ADCK1: variants seen among roughly 807,000 people sequenced by gnomAD.
ADCK1 encodes the protein aarF domain containing kinase 1, also known as aarF domain-containing protein kinase 1.
ADCK1 carries 41 observed loss-of-function variants against 52.3 expected under a neutral mutation model. That is an observed-to-expected ratio of 0.78 (90% CI 0.61 to 1.02). The LOEUF is 1.02. Among genes scored for constraint, ADCK1 ranks in the 50% least tolerant of loss-of-function variants. The pLI, the probability that ADCK1 is intolerant of heterozygous loss-of-function variation, is 0.00. For missense variants in ADCK1, 658 were observed against 679.5 expected, an observed-to-expected ratio of 0.97 and a Z score of 0.35; for synonymous variants, 250 against 274.6, an observed-to-expected ratio of 0.91 and a Z score of 0.89.
At chr14:77,805,161 G>GCAC (rs2081192963) in intron 1 of ADCK1, among the ~76,000 whole-genome samples, 1 of 136,028 alleles carries the variant, frequency 7.4e-6, no homozygotes, top group Non-Finnish European at 1.5e-5. Context: ...AGCCGAGATT[G>GCAC]CACCACTGCA....
intron 4 of ADCK1, among the ~76,000 whole-genome samples, chr14:77,882,345 G>GC (rs2083046566): frequency 6.6e-6 from 1 of 152,234 alleles, no homozygotes. Context: ...TGCCCCAGGT[G>GC]CCCTAAGTGG....
intron 4 of ADCK1, among the ~76,000 whole-genome samples, chr14:77,882,960 C>A (rs1023412848): frequency 1.1e-4 from 14 of 127,346 alleles, no homozygotes; most frequent in Non-Finnish European, 1.6e-4. Context: ...TACACCACCC[C>A]CCCCCCCGTG....
At chr14:77,829,419 T>C (rs1355436964) in intron 3 of ADCK1, among the ~76,000 whole-genome samples, 1 of 150,944 alleles carries the variant, frequency 6.6e-6, no homozygotes, top group African/African-American at 2.4e-5. Context: ...TTTAGCCTCC[T>C]GAGTAGTGGA....
At chr14:77,851,989 T>C (rs2082293255) in intron 3 of ADCK1, among the ~76,000 whole-genome samples, 1 of 151,940 alleles carries the variant, frequency 6.6e-6, no homozygotes, top group Admixed American at 6.6e-5. Context: ...TTATTATTTA[T>C]GTATTTATTT....
At position 77,872,300 on chromosome 14, in the gene ADCK1, C is replaced by A. The variant is rs1031998599; in HGVS notation, c.423+13021C>A. On this transcript the variant is annotated intron_variant, in intron 4 of 10. Coordinates refer to ENST00000238561, the MANE Select transcript of ADCK1 (RefSeq NM_020421.4). ...TGAGCCAGGAACTGAGCTTGAGTGT[C>A]ACCGGACTCCAGAGACACACACTTC... 4.6e-5 allele frequency among the ~76,000 whole-genome samples: 7 copies of A among 152,280 alleles called. No individual in the cohort carries two copies. In the East Asian group the frequency reaches 1.4e-3, roughly 29 times the overall value.
chr14:77,885,402 T>C (rs551934037), intron 4 of ADCK1, among the ~76,000 whole-genome samples: 1 of 152,322 alleles, frequency 6.6e-6, no homozygotes, highest in African/African-American at 2.4e-5. Flanking sequence ...CCCATACCCA[T>C]CTCTCCTGAC....
At chr14:77,866,545 C>G (rs1394235917) in intron 4 of ADCK1, among the ~76,000 whole-genome samples, 1 of 152,122 alleles carries the variant, frequency 6.6e-6, no homozygotes, top group African/African-American at 2.4e-5. Flanking sequence ...CTGCAGTTTC[C>G]CAAGGCCCTT....
Position 77,871,043 on chromosome 14 carries a change from A to G in ADCK1, c.423+11764A>G, listed in dbSNP as rs543069129. Reference sequence around the variant, plus strand: ...AGGAGCCTCAGGCCTGCCCAGATGTACAATGAACATACTGGCCAACATGGC... The same window carrying G: ...AGGAGCCTCAGGCCTGCCCAGATGTGCAATGAACATACTGGCCAACATGGC... On this transcript the variant is annotated intron_variant, in intron 4 of 10. Coordinates refer to ENST00000238561, the MANE Select transcript of ADCK1 (RefSeq NM_020421.4). Among the ~76,000 whole-genome samples, 9 of 152,346 alleles carry G rather than the reference A, an allele frequency of 5.9e-5. No homozygotes were observed. The South Asian group carries it at 6.2e-4, about 11-fold the overall frequency.
intron 6 of ADCK1, among the ~76,000 whole-genome samples, chr14:77,901,766 A>G (rs1379296510): frequency 6.6e-6 from 1 of 152,164 alleles, no homozygotes; most frequent in Non-Finnish European, 1.5e-5. Context: ...ATGCTACACC[A>G]CTGTTCTTCC....
At chr14:77,931,387 G>C in intron 9 of ADCK1, 131 bp from the exon 10 acceptor site, 1 of 891,842 alleles carries the variant, frequency 1.1e-6, no homozygotes, top group South Asian at 1.7e-5. Flanking sequence ...GCAGTGCCAA[G>C]ACAGCGGTGC....
At chr14:77,857,080 G>C (rs1224317969) in intron 3 of ADCK1, among the ~76,000 whole-genome samples, 2 of 152,164 alleles carry the variant, frequency 1.3e-5, no homozygotes, top group East Asian at 3.9e-4. Flanking sequence ...CAGCCCCTCT[G>C]CTGTGTCGGG....
intron 1 of ADCK1, among the ~76,000 whole-genome samples, chr14:77,806,785 G>T (rs1399044112): frequency 6.6e-6 from 1 of 152,058 alleles, no homozygotes; most frequent in African/African-American, 2.4e-5. Context: ...CATGGTCCCA[G>T]CTCACTGCAA....
At chr14:77,865,107 C>T (rs2082635013) in intron 4 of ADCK1, among the ~76,000 whole-genome samples, 1 of 150,824 alleles carries the variant, frequency 6.6e-6, no homozygotes, top group Non-Finnish European at 1.5e-5. Flanking sequence ...TATAGGGAGA[C>T]CCCATCTCTG....
intron 2 of ADCK1, 126 bp from the exon 3 acceptor site, chr14:77,822,309 A>G (rs1594877744): frequency 1.4e-6 from 1 of 717,446 alleles, no homozygotes; most frequent in Non-Finnish European, 2.5e-6. Flanking sequence ...CAGGCATCTT[A>G]GGGGTGGGAC....
In ADCK1 at chr14:77,857,740, G is replaced by C. The variant is rs544673811; in HGVS notation, c.220-1336G>C. ...GTTGTCAACTGTTATTTAACTCCTCGCATGATTTTATGGCCCCCAATATGT... is the reference window on the plus strand; with the variant it reads ...GTTGTCAACTGTTATTTAACTCCTCCCATGATTTTATGGCCCCCAATATGT... On this transcript the variant is annotated intron_variant, in intron 3 of 10. Coordinates refer to ENST00000238561, the MANE Select transcript of ADCK1 (RefSeq NM_020421.4). 3.3e-5 allele frequency among the ~76,000 whole-genome samples: 5 copies of C among 152,230 alleles called. No homozygotes were observed. In the South Asian group the frequency reaches 1.0e-3, roughly 32 times the overall value.
At chr14:77,874,242 T>C (rs1349476599) in intron 4 of ADCK1, among the ~76,000 whole-genome samples, 1 of 152,144 alleles carries the variant, frequency 6.6e-6, no homozygotes, top group Non-Finnish European at 1.5e-5. Context: ...GAGCTTACAT[T>C]TTATGGTACA....
intron 8 of ADCK1, among the ~76,000 whole-genome samples, 165 bp downstream of exon 8, chr14:77,924,771 T>A (rs1036448638): frequency 2.6e-5 from 4 of 152,208 alleles, no homozygotes; most frequent in African/African-American, 9.6e-5. Flanking sequence ...CACAGAGCTC[T>A]CAGAGCTTCA....
At chr14:77,899,286 T>C (rs2083478505) in intron 6 of ADCK1, 28 bp downstream of exon 6, 4 of 1,612,610 alleles carry the variant, frequency 2.5e-6, no homozygotes, top group Non-Finnish European at 3.4e-6. Flanking sequence ...ATGCAGGGTA[T>C]GGTGGTCTGG....
intron 7 of ADCK1, among the ~76,000 whole-genome samples, chr14:77,917,334 C>T (rs912366743): frequency 2.6e-5 from 4 of 152,114 alleles, no homozygotes; most frequent in African/African-American, 9.7e-5. Context: ...GATTAACCTC[C>T]TTATAGTTAA....
Sources: allele counts gnomAD v4.1 joint callset (sites outside exome capture counted in the v4.1 genomes callset), GRCh38; gene constraint gnomAD v4.1.1; transcripts MANE v1.5; gene names NCBI Gene and HGNC (gene_info 2026-07-23, HGNC 2026-07-21).